Variants in RFWD3 observed in about 807,000 individuals in gnomAD.
RFWD3 encodes ring finger and WD repeat domain 3, also known as E3 ubiquitin-protein ligase RFWD3.
Under a neutral mutation model 87.7 loss-of-function variants are expected in RFWD3, and 65 were observed. The observed-to-expected ratio is 0.74, with a 90% CI of 0.61 to 0.91. RFWD3 has a LOEUF of 0.91. Among genes scored for constraint, RFWD3 ranks in the 40% least tolerant of loss-of-function variants. RFWD3 has a pLI of 0.00. For missense variants in RFWD3, 1,078 were observed against 938.5 expected (o/e 1.15, Z -1.94); for synonymous variants, 433 against 352.8 (o/e 1.23, Z -2.55).
At chr16:74,635,299 TA>T (rs1959185814) in intron 8 of RFWD3, among the ~76,000 whole-genome samples, 1 of 147,200 alleles carries the variant, frequency 6.8e-6, no homozygotes, top group African/African-American at 2.5e-5. Context: ...ATAAAAAAAA[TA>T]AAAAATAAAA....
At position 74,626,483 on chromosome 16, in the gene RFWD3, T is replaced by C. The variant is rs768967844; in HGVS notation, c.2041A>G (p.Ile681Val). The change falls in exon 12 of 13, where the codon ATC becomes GTC. Residue 681 changes from isoleucine (I) to valine (V), a missense_variant. By Grantham distance (29) the Ile-to-Val change is conservative. Transcript: ENST00000361070. ...GTATGTACAGGCTGGCAGGAGCAGA[T>C]TGGATTTCCAGTGTCATCCAGTCGG... The part of the protein sequence containing the change: ...SYRLDDTGNP[I>V]CSCQPVHTFF... The C allele has an allele frequency of 4.3e-6, 7 of 1,614,034 alleles. No individual in the cohort carries two copies. The East Asian group carries it at 6.7e-5, about 15-fold the overall frequency.
chr16:74,654,172 C>T (rs1960789549), intron 2 of RFWD3, among the ~76,000 whole-genome samples: 11 of 152,054 alleles, frequency 7.2e-5, no homozygotes, highest in Admixed American at 7.2e-4. Context: ...TCCTCTCTTT[C>T]ATTCTTCATT....
chr16:74,660,434 CAG>C (rs1318199318), intron 2 of RFWD3, among the ~76,000 whole-genome samples: 1 of 152,154 alleles, frequency 6.6e-6, no homozygotes, highest in Non-Finnish European at 1.5e-5. Flanking sequence ...GCCTGGACGA[CAG>C]AGTGAGACGC....
chr16:74,649,470 C>G (rs1254166927), intron 3 of RFWD3, among the ~76,000 whole-genome samples: 1 of 152,154 alleles, frequency 6.6e-6, no homozygotes, highest in Non-Finnish European at 1.5e-5. Context: ...AAAAAATAAT[C>G]AATATTTTGC....
chr16:74,622,002 G>A lies in RFWD3; in HGVS notation c.*1926C>T, dbSNP rs78148391. 3.3e-5 allele frequency: 5 copies of A among 152,256 alleles called. No homozygotes were observed. Among genetic ancestry groups the A allele is most frequent in the East Asian group, 1.9e-4 (1 of 5,188 alleles). 9.4% of individuals were successfully genotyped at this position (152,256 alleles called of 1,614,324 possible). ...ATTTAATGTACTAATGCAAGGACTG[G>A]TAAGACTTAAGATTCACATAACGTC... On this transcript the variant is annotated 3_prime_UTR_variant, in exon 13 of 13. Transcript: ENST00000361070.
At chr16:74,634,775 TTTC>T (rs1468080820) in intron 8 of RFWD3, among the ~76,000 whole-genome samples, 1 of 151,698 alleles carries the variant, frequency 6.6e-6, no homozygotes, top group African/African-American at 2.4e-5. Context: ...CTTACTGTAC[TTTC>T]TTCTAGCAGA....
At chr16:74,638,462 A>G (rs1208515438) in intron 6 of RFWD3, among the ~76,000 whole-genome samples, 2 of 152,264 alleles carry the variant, frequency 1.3e-5, no homozygotes, top group African/African-American at 4.8e-5. Flanking sequence ...ACGAGGAACA[A>G]TGTATCATAA....
At chr16:74,631,053 C>T (rs1567568180) in intron 9 of RFWD3, 96 bp from the exon 10 acceptor site, 2 of 1,143,162 alleles carry the variant, frequency 1.7e-6, no homozygotes, top group Non-Finnish European at 2.5e-6. Context: ...TTAATCCTTA[C>T]TGAGAACACA....
At position 74,625,576 on chromosome 16, in the gene RFWD3, T is replaced by C. The variant is rs374545270; in HGVS notation, c.2181+767A>G. Reference sequence around the variant, plus strand: ...ACGCCTATAATCCAACCTTTTTTCTTCTGCCATTGACTTGTTGTGGAAGCC... The same window carrying C: ...ACGCCTATAATCCAACCTTTTTTCTCCTGCCATTGACTTGTTGTGGAAGCC... On this transcript the variant is annotated intron_variant, in intron 12 of 12. Transcript: ENST00000361070. Among the ~76,000 whole-genome samples, 43 of 151,924 alleles carry C rather than the reference T, an allele frequency of 2.8e-4. No homozygotes were observed. The South Asian group carries it at 8.8e-3, about 31-fold the overall frequency.
At chr16:74,653,046 C>CA in intron 2 of RFWD3, among the ~76,000 whole-genome samples, 1 of 152,214 alleles carries the variant, frequency 6.6e-6, no homozygotes, top group East Asian at 1.9e-4. Flanking sequence ...CACACACACA[C>CA]AGACACATTA....
At chr16:74,652,998 T>C (rs1235578954) in intron 2 of RFWD3, among the ~76,000 whole-genome samples, 1 of 152,092 alleles carries the variant, frequency 6.6e-6, no homozygotes, top group Admixed American at 6.6e-5. Flanking sequence ...TAAAACCTTA[T>C]ACTAAAAACC....
At chr16:74,645,637 G>A (rs576192148) in intron 4 of RFWD3, among the ~76,000 whole-genome samples, 145 of 151,944 alleles carry the variant, frequency 9.5e-4, no homozygotes, top group Middle Eastern at 3.4e-3. Context: ...ATAAGTGTGA[G>A]CCACTGCGCC....
chr16:74,659,364 G>A (rs1961249868), intron 2 of RFWD3, among the ~76,000 whole-genome samples: 1 of 152,060 alleles, frequency 6.6e-6, no homozygotes, highest in South Asian at 2.1e-4. Flanking sequence ...TACACCATAA[G>A]GTGCCTTCAC....
chr16:74,652,671 A>C (rs1477974843), intron 2 of RFWD3, among the ~76,000 whole-genome samples: 2 of 152,212 alleles, frequency 1.3e-5, no homozygotes, highest in East Asian at 3.8e-4. Context: ...GGCATCAAAC[A>C]AAATAACTTA....
Position 74,639,996 on chromosome 16 carries a change from C to T in RFWD3, c.1080-2026G>A, listed in dbSNP as rs528453472. Among the ~76,000 whole-genome samples the T allele has an allele frequency of 9.2e-5, 14 of 152,162 alleles. No individual in the cohort carries two copies. In the South Asian group the frequency reaches 2.7e-3, roughly 29 times the overall value. On this transcript the variant is annotated intron_variant, in intron 6 of 12. Coordinates refer to ENST00000361070, the MANE Select transcript of RFWD3 (RefSeq NM_018124.4). ...TTTTATTATTTATTATTGTTAATCTCTTACTGTTCCTAATTTATAAATTAT... is the reference window on the plus strand; with the variant it reads ...TTTTATTATTTATTATTGTTAATCTTTTACTGTTCCTAATTTATAAATTAT...
rs1490902711 is a variant in RFWD3 at position 74,636,359 on chromosome 16, G to A, written c.1413C>T (p.Ala471=). 6.2e-7 allele frequency: 1 copy of A among 1,613,734 alleles called. No homozygotes were observed. The highest frequency in any genetic ancestry group is 1.3e-5 in the African/African-American group (1 of 75,054). ...CLVISQPSPQ[A]SFLPGFGVKM... ...TAGACTCTTTACCTGGAAGAAAAGA[G>A]GCCTGAGGAGAAGGCTGTGATATCA... The change falls in exon 8 of 13, where the codon GCC becomes GCT. Residue 471 remains alanine (A), a synonymous_variant. Transcript: ENST00000361070.
At chr16:74,652,855 A>T (rs1468676638) in intron 2 of RFWD3, among the ~76,000 whole-genome samples, 2 of 152,166 alleles carry the variant, frequency 1.3e-5, no homozygotes, top group Non-Finnish European at 2.9e-5. Context: ...ATGAAACTTT[A>T]TATTTAGTAG....
At chr16:74,654,646 T>G (rs1960828216) in intron 2 of RFWD3, among the ~76,000 whole-genome samples, 1 of 152,150 alleles carries the variant, frequency 6.6e-6, no homozygotes, top group Non-Finnish European at 1.5e-5. Flanking sequence ...CTAAAGTGAT[T>G]AAGCTTAGTG....
At chr16:74,628,334 C>T in intron 11 of RFWD3, 118 bp downstream of exon 11, 1 of 899,098 alleles carries the variant, frequency 1.1e-6, no homozygotes, top group East Asian at 2.5e-5. Context: ...AGCTACAACA[C>T]ACCTCGTTAG....
Sources: allele counts gnomAD v4.1 joint callset (sites outside exome capture counted in the v4.1 genomes callset), GRCh38; gene constraint gnomAD v4.1.1; transcripts MANE v1.5; gene names NCBI Gene and HGNC (gene_info 2026-07-23, HGNC 2026-07-21).